Variants in SLCO1A2 observed in about 807,000 individuals in gnomAD.
SLCO1A2 encodes solute carrier organic anion transporter family member 1A2.
Under a neutral mutation model 69.0 loss-of-function variants are expected in SLCO1A2, and 67 were observed. The observed-to-expected ratio is 0.97, with a 90% CI of 0.80 to 1.19. The LOEUF (loss-of-function observed/expected upper bound fraction) is 1.19. Ranked by LOEUF, SLCO1A2 falls within the 50% of genes most tolerant of loss-of-function variation. The pLI is 0.00. For missense variants in SLCO1A2, 787 were observed against 793.7 expected, an observed-to-expected ratio of 0.99 and a Z score of 0.10; for synonymous variants, 260 against 265.9, an observed-to-expected ratio of 0.98 and a Z score of 0.22.
chr12:21,318,842 C>G lies in SLCO1A2; in HGVS notation c.142G>C (p.Glu48Gln). 1 of 1,611,546 alleles carries G rather than the reference C, an allele frequency of 6.2e-7. No homozygotes were observed. Among genetic ancestry groups the G allele is most frequent in the Non-Finnish European group, 8.5e-7 (1 of 1,178,610 alleles). ...GATGTTGGGATGTTGAATTGTCTCT[C>G]TATTTGTGTGAGCATGGAATTCATA... ...SYMNSMLTQIERQFNIPTSLV... is the reference protein window; with the variant it reads ...SYMNSMLTQIQRQFNIPTSLV... Residue 48 changes from glutamate to glutamine, a missense_variant, in exon 3 of 15, where the codon GAG (glutamate) becomes CAG (glutamine). Transcript: ENST00000683939.
Position 21,266,364 on chromosome 12 carries a change from T to A in SLCO1A2, c.*3184A>T, listed in dbSNP as rs1157535470. 1 of 152,164 alleles carries A rather than the reference T, an allele frequency of 6.6e-6. No individual in the cohort carries two copies. Among genetic ancestry groups the A allele is most frequent in the Admixed American group, 6.6e-5 (1 of 15,252 alleles). 9.4% of individuals were successfully genotyped at this position (152,164 alleles called of 1,614,324 possible). A position where few individuals can be genotyped will look rare whatever the true frequency, so the allele number is the denominator to read the frequency against. On this transcript the variant is annotated 3_prime_UTR_variant, in exon 15 of 15. Transcript: ENST00000683939. ...ATATTTATTCAGCTGCAATCCCTAG[T>A]GTCCTTCCAGAGACTGATTAAAAGG... is the stretch of plus-strand genomic sequence containing the variant.
chr12:21,273,938 A>AAAAT (rs1467676359), intron 14 of SLCO1A2: 1 of 152,244 alleles, frequency 6.6e-6, no homozygotes, highest in Non-Finnish European at 1.5e-5. Context: ...AAAGAACATG[A>AAAAT]AAATAGAAAT....
At chr12:21,300,042 ATATG>A (rs148416055) in intron 8 of SLCO1A2, among the ~76,000 whole-genome samples, 8,363 of 150,400 alleles carry the variant, frequency 0.056, 767 homozygotes, top group African/African-American at 0.19. Context: ...GTGTATATAT[ATATG>A]TGTGTGTACA....
chr12:21,286,837 T>C (rs1428541818), intron 12 of SLCO1A2, among the ~76,000 whole-genome samples: 1 of 146,264 alleles, frequency 6.8e-6, no homozygotes, highest in African/African-American at 2.6e-5. Flanking sequence ...ATCCCTTCCT[T>C]ACACCTTATA....
intron 1 of SLCO1A2, among the ~76,000 whole-genome samples, chr12:21,380,961 A>C (rs1419949161): frequency 6.6e-6 from 1 of 151,692 alleles, no homozygotes; most frequent in Non-Finnish European, 1.5e-5. Flanking sequence ...TCTCTCTAAA[A>C]TAATAACTGG....
chr12:21,339,556 T>A (rs2857467), upstream of SLCO1A2, among the ~76,000 whole-genome samples: 18 of 151,882 alleles, frequency 1.2e-4, no homozygotes, highest in African/African-American at 4.1e-4. Context: ...ATAGAACTCA[T>A]AATAGATAAT....
chr12:21,413,467 C>T (rs927252941), intron 1 of SLCO1A2, among the ~76,000 whole-genome samples: 7 of 151,936 alleles, frequency 4.6e-5, no homozygotes, highest in Non-Finnish European at 8.8e-5. Flanking sequence ...GTCTCCAACT[C>T]CTGGCCTCAA....
At chr12:21,285,133 G>A (rs1945513002) in intron 12 of SLCO1A2, among the ~76,000 whole-genome samples, 1 of 141,010 alleles carries the variant, frequency 7.1e-6, no homozygotes, top group Non-Finnish European at 1.6e-5. Context: ...GAAAAAAAGA[G>A]AGAAGAATCA....
At chr12:21,280,593 A>G (rs2136168348) in intron 12 of SLCO1A2, among the ~76,000 whole-genome samples, 1 of 152,138 alleles carries the variant, frequency 6.6e-6, no homozygotes, top group South Asian at 2.1e-4. Context: ...AAATATTATT[A>G]TAGCTAAAGA....
At chr12:21,378,407 T>C in intron 1 of SLCO1A2, 1 of 1,613,684 alleles carries the variant, frequency 6.2e-7, no homozygotes, top group Non-Finnish European at 8.5e-7. Context: ...AGAGAGCCAC[T>C]GAATTACTTG....
At chr12:21,358,722 T>C (rs1938573716) in intron 2 of SLCO1A2, among the ~76,000 whole-genome samples, 1 of 150,672 alleles carries the variant, frequency 6.6e-6, no homozygotes, top group Non-Finnish European at 1.5e-5. Context: ...TTGAAAAAAT[T>C]AAAAGAAAAA....
At chr12:21,394,516 T>C (rs184156103) in intron 1 of SLCO1A2, among the ~76,000 whole-genome samples, 1 of 146,982 alleles carries the variant, frequency 6.8e-6, no homozygotes, top group Non-Finnish European at 1.5e-5. Flanking sequence ...CACTCCAGCC[T>C]GGGTGACAGA....
chr12:21,403,655 C>T (rs1177765230), intron 1 of SLCO1A2: 1 of 145,484 alleles, frequency 6.9e-6, no homozygotes, highest in East Asian at 2.1e-4. Flanking sequence ...AGGTTATAAT[C>T]TTGGGAACAG....
chr12:21,300,062 A>ATG (rs1305168650), intron 8 of SLCO1A2, among the ~76,000 whole-genome samples: 6 of 150,502 alleles, frequency 4.0e-5, no homozygotes, highest in African/African-American at 1.2e-4. Context: ...GTACATATAT[A>ATG]TGTGTGTGTA....
At chr12:21,314,482 G>A in intron 4 of SLCO1A2, 67 bp downstream of exon 4, 2 of 1,562,754 alleles carry the variant, frequency 1.3e-6, no homozygotes, top group Non-Finnish European at 1.8e-6. Context: ...TCCTAGAGAG[G>A]AAAGTGCAAC....
intron 3 of SLCO1A2, among the ~76,000 whole-genome samples, chr12:21,317,008 T>C (rs34249976): frequency 0.21 from 32,003 of 152,174 alleles, 3,878 homozygotes; most frequent in Non-Finnish European, 0.28. Flanking sequence ...AGTACAAATA[T>C]TACTATATAA....
At chr12:21,347,669 A>AAGGAAGGAAGGAAGG (rs1555122068) in intron 2 of SLCO1A2, among the ~76,000 whole-genome samples, 4,646 of 113,398 alleles carry the variant, frequency 0.041, 165 homozygotes, top group Middle Eastern at 0.071. Flanking sequence ...AGAAAGAAAG[A>AAGGAAGGAAGGAAGG]AAGGAAGGAA....
At chr12:21,287,572 T>C (rs1211055205) in intron 12 of SLCO1A2, among the ~76,000 whole-genome samples, 1 of 144,964 alleles carries the variant, frequency 6.9e-6, no homozygotes, top group Non-Finnish European at 1.5e-5. Context: ...GTATGTTTAT[T>C]GCGGCTCTAT....
chr12:21,319,492 T>C (rs1319894726), intron 2 of SLCO1A2: 1 of 1,357,436 alleles, frequency 7.4e-7, no homozygotes, highest in East Asian at 4.6e-5. Context: ...CTTCCCATAG[T>C]AGGATGCTCT....
Sources: gnomAD v4.1 joint callset for allele counts (sites outside exome capture counted in the v4.1 genomes callset) on GRCh38, gnomAD v4.1.1 for gene constraint, MANE v1.5 for transcripts, NCBI Gene and HGNC (gene_info 2026-07-23, HGNC 2026-07-21) for gene names.